The following RALGAPB variants were observed in gnomAD, a reference collection of about 807,000 sequenced individuals.
RALGAPB encodes ral GTPase-activating protein subunit beta.
Under a neutral mutation model 161.1 loss-of-function variants are expected in RALGAPB, and 25 were observed. The observed-to-expected ratio is 0.16, with a 90% CI of 0.11 to 0.22. The LOEUF is 0.22. Ranked by LOEUF, RALGAPB falls within the 10% of genes least tolerant of loss-of-function variation. RALGAPB has a pLI of 1.00. For missense variants in RALGAPB, 1,391 were observed against 1,815.2 expected, an observed-to-expected ratio of 0.77 and a Z score of 4.25; for synonymous variants, 629 against 626.1, an observed-to-expected ratio of 1.00 and a Z score of -0.07.
rs2086704604 is a variant in RALGAPB, at chr20:38,533,064, G to T, written c.2245+205G>T. On this transcript the variant is annotated intron_variant, in intron 15 of 29. Transcript: ENST00000262879. ...TTTTGGGTAGTATATTAGATTTGGGGTAGTATATTAGGTTTTATAATTGAT... is the reference window on the plus strand; with the variant it reads ...TTTTGGGTAGTATATTAGATTTGGGTTAGTATATTAGGTTTTATAATTGAT... Among the ~76,000 whole-genome samples, 7 of 152,200 alleles carry T rather than the reference G, an allele frequency of 4.6e-5. No individual in the cohort carries two copies. The South Asian group carries it at 1.5e-3, about 32-fold the overall frequency.
intron 28 of RALGAPB, 182 bp from the exon 29 acceptor site, chr20:38,573,968 G>A (rs1016550450): frequency 7.7e-5 from 37 of 482,298 alleles, no homozygotes; most frequent in Non-Finnish European, 1.2e-4. Context: ...GTTATAGGGG[G>A]TAGCAGCATA....
In RALGAPB at chr20:38,551,005, A is replaced by C. The variant is rs892649698; in HGVS notation, c.3010-66A>C. 3.3e-6 allele frequency: 5 copies of C among 1,534,122 alleles called. No individual in the cohort carries two copies. In the African/African-American group the frequency reaches 6.9e-5, roughly 21 times the overall value. On this transcript the variant is annotated intron_variant, in intron 20 of 29. Coordinates refer to ENST00000262879, the MANE Select transcript of RALGAPB (RefSeq NM_020336.4). ...ACACAGGCATCTAAGAGACCAGGGA[A>C]ATACATGTCATTACAGATGGGTATT...
chr20:38,524,774 C>T lies in RALGAPB; in HGVS notation c.1620-4C>T. The T allele has an allele frequency of 6.3e-7, 1 of 1,592,860 alleles. No individual in the cohort carries two copies. Among genetic ancestry groups the T allele is most frequent in the Non-Finnish European group, 8.6e-7 (1 of 1,166,264 alleles). ...TGTTTAAAATTTTTTTCTTGCTTTCCTAGATTTTACATGCTTTTAATTCAA... is the reference window on the plus strand; with the variant it reads ...TGTTTAAAATTTTTTTCTTGCTTTCTTAGATTTTACATGCTTTTAATTCAA... On this transcript the variant is annotated splice_region_variant and splice_polypyrimidine_tract_variant and intron_variant, in intron 10 of 29. Transcript: ENST00000262879.
intron 3 of RALGAPB, among the ~76,000 whole-genome samples, chr20:38,493,534 T>G (rs2085334481): frequency 6.6e-6 from 1 of 152,214 alleles, no homozygotes; most frequent in Non-Finnish European, 1.5e-5. Flanking sequence ...TTGAAATGAT[T>G]ATGGGCAAAT....
intron 1 of RALGAPB, among the ~76,000 whole-genome samples, chr20:38,477,366 G>C (rs1465197932): frequency 6.6e-6 from 1 of 152,200 alleles, no homozygotes; most frequent in Non-Finnish European, 1.5e-5. Flanking sequence ...GTAGGGGGCA[G>C]ACAGGGTATT....
At chr20:38,526,474 C>G (rs575708646) in intron 13 of RALGAPB, among the ~76,000 whole-genome samples, 1 of 152,080 alleles carries the variant, frequency 6.6e-6, no homozygotes, top group African/African-American at 2.4e-5. Context: ...TCTGCACTTT[C>G]GTCCTAGTCC....
chr20:38,563,797 TTTGA>T (rs2087881196), intron 24 of RALGAPB, among the ~76,000 whole-genome samples: 1 of 152,246 alleles, frequency 6.6e-6, no homozygotes, highest in South Asian at 2.1e-4. Context: ...TTTGGTGTCA[TTTGA>T]TTAGCATTCC....
At chr20:38,532,583 T>G (rs2086687458) in intron 14 of RALGAPB, 147 bp from the exon 15 acceptor site, 9 of 966,544 alleles carry the variant, frequency 9.3e-6, no homozygotes, top group Non-Finnish European at 1.4e-5. Context: ...CACAGTGGTT[T>G]TAATCCCTTG....
At chr20:38,492,572 G>A (rs2085311420) in intron 2 of RALGAPB, among the ~76,000 whole-genome samples, 1 of 152,068 alleles carries the variant, frequency 6.6e-6, no homozygotes, top group Non-Finnish European at 1.5e-5. Context: ...TAAACATTAA[G>A]TGGAGAAAAA....
chr20:38,562,726 T>C (rs372060839), intron 24 of RALGAPB, 29 bp downstream of exon 24: 3 of 1,561,558 alleles, frequency 1.9e-6, no homozygotes, highest in African/African-American at 2.8e-5. Context: ...CAAATGTCAG[T>C]TGTTTCTTGT....
chr20:38,487,451 T>G (rs1485648311), intron 1 of RALGAPB, among the ~76,000 whole-genome samples: 1 of 152,142 alleles, frequency 6.6e-6, no homozygotes, highest in Non-Finnish European at 1.5e-5. Flanking sequence ...TCATTATGGG[T>G]TGGCATGGGA....
intron 23 of RALGAPB, among the ~76,000 whole-genome samples, chr20:38,561,792 C>A (rs530673677): frequency 6.6e-6 from 1 of 152,276 alleles, no homozygotes; most frequent in South Asian, 2.1e-4. Context: ...GAACATTTAG[C>A]AGCATCTTTG....
chr20:38,528,781 A>G (rs887691065), intron 13 of RALGAPB, among the ~76,000 whole-genome samples: 2 of 152,036 alleles, frequency 1.3e-5, no homozygotes, highest in Non-Finnish European at 2.9e-5. Flanking sequence ...CCTGGGTTCA[A>G]GCAATTCTTC....
chr20:38,529,517 C>CA (rs60868083), intron 13 of RALGAPB, among the ~76,000 whole-genome samples: 1,339 of 122,272 alleles, frequency 0.011, 23 homozygotes, highest in East Asian at 0.096. Context: ...AACTCCGTCT[C>CA]AAAAAAAAAA....
rs760221316 is a variant in RALGAPB at position 38,509,053 on chromosome 20, C to G, written c.741-24C>G. The G allele has an allele frequency of 5.6e-6, 9 of 1,610,272 alleles. No homozygotes were observed. The East Asian group carries it at 2.0e-4, about 36-fold the overall frequency. ...TTTTCAATCTGTTAAGAAATGGACT[C>G]AGTGGTGTGCATTTATTTTCTAGAT... On this transcript the variant is annotated intron_variant, in intron 5 of 29. Transcript: ENST00000262879.
chr20:38,481,619 G>A (rs1458548145), intron 1 of RALGAPB, among the ~76,000 whole-genome samples: 3 of 152,172 alleles, frequency 2.0e-5, no homozygotes, highest in African/African-American at 4.8e-5. Flanking sequence ...TGGGAATTGT[G>A]GGAGTTACAA....
intron 1 of RALGAPB, among the ~76,000 whole-genome samples, chr20:38,479,093 A>G (rs1223503192): frequency 2.6e-5 from 4 of 152,174 alleles, no homozygotes; most frequent in African/African-American, 9.7e-5. Context: ...GTCGTAACTC[A>G]TCAGTTACCA....
At chr20:38,554,207 A>G (rs1046289032) in intron 22 of RALGAPB, 131 bp downstream of exon 22, 2 of 850,902 alleles carry the variant, frequency 2.4e-6, no homozygotes, top group Non-Finnish European at 3.6e-6. Flanking sequence ...TAGCCTGCAT[A>G]CAAATAAATG....
intron 5 of RALGAPB, among the ~76,000 whole-genome samples, chr20:38,507,538 G>A (rs1170220507): frequency 6.6e-6 from 1 of 151,940 alleles, no homozygotes; most frequent in Non-Finnish European, 1.5e-5. Context: ...ACCACGCCCA[G>A]CTAATTTTTG....
Sources: allele counts gnomAD v4.1 joint callset (sites outside exome capture counted in the v4.1 genomes callset), GRCh38; gene constraint gnomAD v4.1.1; transcripts MANE v1.5; gene names NCBI Gene and HGNC (gene_info 2026-07-23, HGNC 2026-07-21).